Variants in CTU2 observed in about 807,000 individuals in gnomAD.
CTU2 encodes the protein cytosolic thiouridylase subunit 2, also known as cytoplasmic tRNA 2-thiolation protein 2.
Under a neutral mutation model 64.1 loss-of-function variants are expected in CTU2, and 80 were observed. The observed-to-expected ratio is 1.25, with a 90% CI of 1.04 to 1.50. The LOEUF (loss-of-function observed/expected upper bound fraction) is 1.50, where lower values mean the gene tolerates loss of function less well. Among genes scored for constraint, CTU2 ranks in the 40% most tolerant of loss-of-function variants. CTU2 has a pLI of 0.00. For missense variants in CTU2, 1,110 were observed against 690.2 expected (o/e 1.61, Z -6.81); for synonymous variants, 482 against 285.3 (o/e 1.69, Z -6.95).
intron 2 of CTU2, 72 bp from the exon 3 acceptor site, chr16:88,709,866 C>A: frequency 7.8e-7 from 1 of 1,277,744 alleles, no homozygotes; most frequent in Non-Finnish European, 1.1e-6. Context: ...ACGTCGTCAC[C>A]TGGCAGCGCC....
At position 88,714,170 on chromosome 16, in the gene CTU2, A is replaced by T. The variant is rs1195222187; in HGVS notation, c.1040A>T (p.Glu347Val). The stretch of plus-strand genomic sequence containing the variant: ...AAGGCCAGCATCCACCGGCTGATGG[A>T]GGCCTTCATCCTCAGGCTGCAGACC... ...PEKASIHRLM[E>V]AFILRLQTQF... Residue 347 changes from glutamate (E) to valine (V), a missense_variant, in exon 10 of 15, where the codon GAG becomes GTG. Glu to Val is a moderately radical substitution (Grantham distance 121). Coordinates refer to ENST00000453996, the MANE Select transcript of CTU2 (RefSeq NM_001012759.3). 2 of 1,612,556 alleles carry T rather than the reference A, an allele frequency of 1.2e-6. No individual in the cohort carries two copies. The highest frequency in any genetic ancestry group is 1.3e-5 in the African/African-American group (1 of 74,886).
intron 4 of CTU2, 126 bp from the exon 5 acceptor site, chr16:88,711,509 C>A: frequency 3.1e-6 from 3 of 961,238 alleles, no homozygotes; most frequent in Non-Finnish European, 4.5e-6. Flanking sequence ...CCAATAAACG[C>A]AATGGCAGGG....
chr16:88,710,045 G>T lies in CTU2; in HGVS notation c.222+29G>T, dbSNP rs772557939. The stretch of plus-strand genomic sequence containing the variant: ...GCGTCTGGGTCCTGGGGGTCTGACT[G>T]AGCAGCCTGGCCCCTCGAGGTCCCT... On this transcript the variant is annotated intron_variant, in intron 3 of 14. Transcript: ENST00000453996. 5.0e-6 allele frequency: 8 copies of T among 1,611,096 alleles called. No homozygotes were observed. The Admixed American group carries it at 5.0e-5, about 10-fold the overall frequency.
At chr16:88,711,791 T>TACCAGAGGGAGGA in intron 5 of CTU2, 96 bp downstream of exon 5, 11 of 1,195,304 alleles carry the variant, frequency 9.2e-6, no homozygotes, top group Non-Finnish European at 1.3e-5. Context: ...GTGCCGGTCC[T>TACCAGAGGGAGGA]CCCTCTGGTA....
At chr16:88,712,451 C>A in intron 6 of CTU2, 68 bp downstream of exon 6, 1 of 1,455,530 alleles carries the variant, frequency 6.9e-7, no homozygotes, top group Admixed American at 2.2e-5. Flanking sequence ...CGTGTCCCAG[C>A]CTCACTGGCC....
Position 88,713,980 on chromosome 16 carries a change from C to T in CTU2, c.1006-156C>T, listed in dbSNP as rs181362242. Among the ~76,000 whole-genome samples, 191 of 152,322 alleles carry T rather than the reference C, an allele frequency of 1.3e-3. 2 individuals carry two copies. The highest frequency in any genetic ancestry group is 1.9e-3 in the South Asian group (9 of 4,830). ...GGAGGACCCCACAGTGGGTGCACTG[C>T]TGAAGCGGGTTCTCTGGCTGCCTTG... is the stretch of plus-strand genomic sequence containing the variant. On this transcript the variant is annotated intron_variant, in intron 9 of 14. Transcript: ENST00000453996.
chr16:88,711,748 C>A (rs1039052264), intron 5 of CTU2, 53 bp downstream of exon 5: 1 of 1,529,934 alleles, frequency 6.5e-7, no homozygotes, highest in Non-Finnish European at 9.0e-7. Flanking sequence ...GTAAGCCCTG[C>A]GGATCCTCCC....
chr16:88,713,533 CA>C (rs1911549367), intron 8 of CTU2, 86 bp downstream of exon 8: 1 of 1,445,852 alleles, frequency 6.9e-7, no homozygotes, highest in Admixed American at 2.6e-5. Context: ...TCTCGCGTAT[CA>C]GTCCTGCGGC....
chr16:88,714,549 A>C, intron 11 of CTU2, 38 bp from the exon 12 acceptor site: 2 of 1,612,012 alleles, frequency 1.2e-6, no homozygotes, highest in Non-Finnish European at 1.7e-6. Context: ...GTGGGGGCTC[A>C]GCAGCCCCAG....
At chr16:88,708,429 C>G (rs577637543) in intron 2 of CTU2, among the ~76,000 whole-genome samples, 1 of 151,862 alleles carries the variant, frequency 6.6e-6, no homozygotes, top group East Asian at 1.9e-4. Context: ...CGTGGACCCA[C>G]CACGCTTGAA....
At position 88,714,399 on chromosome 16, in the gene CTU2, G is replaced by C; in HGVS notation, c.1114G>C (p.Val372Leu). The C allele has an allele frequency of 1.9e-6, 3 of 1,612,510 alleles. No homozygotes were observed. The highest frequency in any genetic ancestry group is 2.5e-6 in the Non-Finnish European group (3 of 1,179,828). ...STVYRTSEKL[V>L]KGPRDGPAAG... ...CGGCCACAGGACAAGTGAGAAGCTG[G>C]TGAAGGGCCCCCGGGATGGCCCTGC... Residue 372 changes from valine (V) to leucine (L), a missense_variant, in exon 11 of 15, where the codon GTG becomes CTG. Transcript: ENST00000453996.
intron 4 of CTU2, 115 bp downstream of exon 4, chr16:88,710,397 C>A (rs149072520): frequency 9.5e-7 from 1 of 1,048,458 alleles, no homozygotes; most frequent in Non-Finnish European, 1.4e-6. Context: ...GTCCACCCTG[C>A]GGCCTGGACA....
intron 4 of CTU2, 61 bp from the exon 5 acceptor site, chr16:88,711,574 G>C (rs1456263231): frequency 4.1e-6 from 6 of 1,471,752 alleles, no homozygotes; most frequent in Non-Finnish European, 4.6e-6. Context: ...AATGTTCTGA[G>C]CTGGAAAAGT....
At chr16:88,715,022 C>G (rs369949500) in intron 13 of CTU2, 26 bp from the exon 14 acceptor site, 7 of 1,577,652 alleles carry the variant, frequency 4.4e-6, no homozygotes, top group South Asian at 2.3e-5. Flanking sequence ...GGTTTCTTGG[C>G]CCCTCGACAC....
At chr16:88,712,017 G>A (rs1444710137) in intron 5 of CTU2, 4 of 304,642 alleles carry the variant, frequency 1.3e-5, no homozygotes, top group Admixed American at 9.3e-5. Context: ...TGCTGATGGT[G>A]AGCGGGGGCC....
Position 88,712,678 on chromosome 16 carries a change from C to CG in CTU2, c.511dup (p.Glu171GlyfsTer53). ...GCTCTGCCCAGGAGCTGGTGGGATC[C>CG]GAGGGGGCCTACAAGGCGGCCGTGG... On this transcript the variant is annotated frameshift_variant, in exon 7 of 15. Coordinates refer to ENST00000453996, the MANE Select transcript of CTU2 (RefSeq NM_001012759.3). LOFTEE classifies it high-confidence loss of function. The CG allele has an allele frequency of 1.2e-6, 2 of 1,610,552 alleles. No homozygotes were observed. Among genetic ancestry groups the CG allele is most frequent in the Non-Finnish European group, 1.7e-6 (2 of 1,179,520 alleles).
At position 88,714,651 on chromosome 16, in the gene CTU2, CCTGA is replaced by C. The variant is rs763249182; in HGVS notation, c.1271_1274del (p.Thr424ArgfsTer44). The C allele has an allele frequency of 3.7e-6, 6 of 1,612,588 alleles. No individual in the cohort carries two copies. Among genetic ancestry groups the C allele is most frequent in the South Asian group, 1.1e-5 (1 of 91,088 alleles). On this transcript the variant is annotated frameshift_variant, in exon 12 of 15. Coordinates refer to ENST00000453996, the MANE Select transcript of CTU2 (RefSeq NM_001012759.3). LOFTEE classifies it high-confidence loss of function. ...TCTCCCAGATGCAGTCACCCATCCC[CCTGA>C]CTGAGACCCGGACACCCCCGGGGCC...
intron 2 of CTU2, chr16:88,708,909 T>G (rs940542447): frequency 5.3e-5 from 8 of 152,168 alleles, no homozygotes; most frequent in African/African-American, 1.9e-4. Flanking sequence ...TTTGTGCAAT[T>G]CTAACATACA....
At position 88,714,130 on chromosome 16, in the gene CTU2, C is replaced by G; in HGVS notation, c.1006-6C>G. The G allele has an allele frequency of 6.2e-7, 1 of 1,612,374 alleles. No homozygotes were observed. The highest frequency in any genetic ancestry group is 8.5e-7 in the Non-Finnish European group (1 of 1,179,626). Reference sequence around the variant, plus strand: ...TTCCCATAGCCTCCAATCTGATTGTCCCTAGGCCCCTGAAAAGGCCAGCAT... The same window carrying G: ...TTCCCATAGCCTCCAATCTGATTGTGCCTAGGCCCCTGAAAAGGCCAGCAT... On this transcript the variant is annotated splice_polypyrimidine_tract_variant and splice_region_variant and intron_variant, in intron 9 of 14. Coordinates refer to ENST00000453996, the MANE Select transcript of CTU2 (RefSeq NM_001012759.3).
Sources: gnomAD v4.1 joint callset for allele counts (sites outside exome capture counted in the v4.1 genomes callset) on GRCh38, gnomAD v4.1.1 for gene constraint, MANE v1.5 for transcripts, NCBI Gene and HGNC (gene_info 2026-07-23, HGNC 2026-07-21) for gene names.